Variants in BMPER observed in about 807,000 individuals in gnomAD.
BMPER encodes the protein BMP binding endothelial regulator, also known as BMP-binding endothelial regulator protein.
A neutral mutation model predicts 87.3 loss-of-function variants in BMPER; 45 were observed. The ratio of observed to expected loss-of-function variants is 0.52; its 90% CI spans 0.41 to 0.66. BMPER has a LOEUF of 0.66. Among genes scored for constraint, BMPER ranks in the 30% least tolerant of loss-of-function variants. The pLI, the probability that BMPER is intolerant of heterozygous loss-of-function variation, is 0.00. For missense variants in BMPER, 784 were observed against 867.5 expected, an observed-to-expected ratio of 0.90 and a Z score of 1.21; for synonymous variants, 326 against 316.2, an observed-to-expected ratio of 1.03 and a Z score of -0.33.
intron 6 of BMPER, among the ~76,000 whole-genome samples, chr7:34,023,981 G>A (rs1307003273): frequency 6.6e-6 from 1 of 151,810 alleles, no homozygotes; most frequent in Non-Finnish European, 1.5e-5. Context: ...TGATTCCAAT[G>A]GTTATTTTTC....
chr7:33,955,136 A>G (rs182740610), intron 3 of BMPER, among the ~76,000 whole-genome samples: 124 of 152,232 alleles, frequency 8.1e-4, no homozygotes, highest in African/African-American at 2.7e-3. Context: ...ATCTCAGGTG[A>G]TTTGCCTACC....
rs1788444650 is a variant in BMPER at position 34,061,892 on chromosome 7, A to C, written c.1033-110A>C. On this transcript the variant is annotated intron_variant, in intron 10 of 14. Transcript: ENST00000649409. ...TTGAGTTCAAATACAGCTTGGACTG[A>C]TTTCATTGGTTTATCTTGTATTAGA... is the stretch of plus-strand genomic sequence containing the variant. The C allele has an allele frequency of 6.5e-6, 6 of 925,322 alleles. No homozygotes were observed. The South Asian group carries it at 7.8e-5, about 12-fold the overall frequency. The allele number at this position is 925,322 out of a possible 1,614,324, so 57.3% of individuals were successfully genotyped here.
chr7:34,096,282 C>T (rs1376808744), intron 13 of BMPER, among the ~76,000 whole-genome samples: 1 of 152,134 alleles, frequency 6.6e-6, no homozygotes, highest in Non-Finnish European at 1.5e-5. Context: ...TCAGTGAAAC[C>T]ACATGGGCAG....
chr7:34,099,316 G>A (rs1279629178), intron 13 of BMPER, among the ~76,000 whole-genome samples: 2 of 152,190 alleles, frequency 1.3e-5, no homozygotes, highest in Non-Finnish European at 2.9e-5. Flanking sequence ...AGCTCTTGCT[G>A]GCAAGCCATC....
chr7:34,017,229 T>A (rs1296498802), intron 6 of BMPER, among the ~76,000 whole-genome samples: 1 of 151,850 alleles, frequency 6.6e-6, no homozygotes, highest in Non-Finnish European at 1.5e-5. Flanking sequence ...AGTGCTGCCT[T>A]GTCATGCTAA....
At chr7:33,987,870 A>G (rs149598816) in intron 6 of BMPER, among the ~76,000 whole-genome samples, 2 of 152,322 alleles carry the variant, frequency 1.3e-5, no homozygotes, top group African/African-American at 4.8e-5. Context: ...AAGGAAAACT[A>G]TAGTTTATCC....
chr7:34,122,261 A>T (rs1365494857), intron 13 of BMPER, among the ~76,000 whole-genome samples: 2 of 152,106 alleles, frequency 1.3e-5, no homozygotes, highest in Non-Finnish European at 2.9e-5. Flanking sequence ...GAGCCCAACA[A>T]TTTGCATTTT....
chr7:33,930,170 A>T (rs1436876520), intron 2 of BMPER, among the ~76,000 whole-genome samples: 2 of 151,604 alleles, frequency 1.3e-5, no homozygotes, highest in Non-Finnish European at 2.9e-5. Flanking sequence ...CATGTTCTTC[A>T]TCTTAGAAAT....
chr7:34,068,524 C>G (rs992026264), intron 11 of BMPER, among the ~76,000 whole-genome samples: 7 of 152,290 alleles, frequency 4.6e-5, no homozygotes, highest in African/African-American at 1.7e-4. Flanking sequence ...CTCCGTCTTT[C>G]TGCTCAAGTA....
Position 33,920,418 on chromosome 7 carries a change from G to GTTTTTTTTTTTTTTTTTTTTTTTT in BMPER, c.219+13516_219+13517insTTTTTTTTTTTTTTTTTTTTTTTT, listed in dbSNP as rs879327540. 3.0e-5 allele frequency among the ~76,000 whole-genome samples: 3 copies of GTTTTTTTTTTTTTTTTTTTTTTTT among 99,940 alleles called. 1 individual carries two copies. Among genetic ancestry groups the GTTTTTTTTTTTTTTTTTTTTTTTT allele is most frequent in the Non-Finnish European group, 1.9e-5 (1 of 53,068 alleles). The allele number at this position is 99,940 out of a possible 152,430, so 65.6% of individuals were successfully genotyped here. ...CTGTGCAGACCAGGGAAACTCCGTT[G>GTTTTTTTTTTTTTTTTTTTTTTTT]TGTTTTTTTTTTTTTTTTTTTTTTT... On this transcript the variant is annotated intron_variant, in intron 2 of 14. Transcript: ENST00000649409.
At chr7:34,101,665 C>G (rs1789685639) in intron 13 of BMPER, among the ~76,000 whole-genome samples, 1 of 152,220 alleles carries the variant, frequency 6.6e-6, no homozygotes, top group African/African-American at 2.4e-5. Context: ...TGGACCCTTT[C>G]ATCCCTGCTC....
chr7:34,111,497 T>C (rs1360696746), intron 13 of BMPER, among the ~76,000 whole-genome samples: 2 of 152,264 alleles, frequency 1.3e-5, no homozygotes, highest in East Asian at 3.9e-4. Context: ...CTATGGAAAA[T>C]AAATCTGATT....
chr7:33,920,677 G>GC (rs796773182), intron 2 of BMPER, among the ~76,000 whole-genome samples: 1 of 151,598 alleles, frequency 6.6e-6, no homozygotes, highest in Admixed American at 6.6e-5. Context: ...GTCCACCTTG[G>GC]CCCCCCCAAA....
chr7:33,944,701 G>A (rs1427481), intron 3 of BMPER, among the ~76,000 whole-genome samples: 79,641 of 151,876 alleles, frequency 0.52, 21,258 homozygotes, highest in East Asian at 0.64. Flanking sequence ...TTGAGTTTCT[G>A]TTTATCGTTT....
At chr7:34,092,392 A>G (rs1300417321) in intron 13 of BMPER, among the ~76,000 whole-genome samples, 1 of 152,132 alleles carries the variant, frequency 6.6e-6, no homozygotes, top group Non-Finnish European at 1.5e-5. Context: ...TTCTTATGAA[A>G]TACTCGCATC....
intron 6 of BMPER, among the ~76,000 whole-genome samples, chr7:34,026,089 A>G (rs1489020571): frequency 1.3e-5 from 2 of 152,022 alleles, no homozygotes; most frequent in Admixed American, 1.3e-4. Flanking sequence ...GTGGCCTGGC[A>G]TGGTAAAAAG....
intron 6 of BMPER, among the ~76,000 whole-genome samples, chr7:34,040,084 G>A (rs985428906): frequency 2.6e-5 from 4 of 152,060 alleles, no homozygotes; most frequent in Admixed American, 1.3e-4. Flanking sequence ...ACTTAGAGGA[G>A]GGGCTATGTG....
intron 2 of BMPER, among the ~76,000 whole-genome samples, chr7:33,932,699 T>C (rs781301987): frequency 6.6e-6 from 1 of 152,220 alleles, no homozygotes; most frequent in Non-Finnish European, 1.5e-5. Flanking sequence ...TATTAGCTGC[T>C]GCGTTTTCCT....
intron 6 of BMPER, among the ~76,000 whole-genome samples, chr7:34,019,681 C>T (rs1014180710): frequency 6.6e-6 from 1 of 152,002 alleles, no homozygotes; most frequent in Admixed American, 6.6e-5. Flanking sequence ...TACTGTGGGG[C>T]ACATCTTGAG....
Sources: gnomAD v4.1 joint callset for allele counts (sites outside exome capture counted in the v4.1 genomes callset) on GRCh38, gnomAD v4.1.1 for gene constraint, MANE v1.5 for transcripts, NCBI Gene and HGNC (gene_info 2026-07-23, HGNC 2026-07-21) for gene names.